NRK: variants seen among roughly 807,000 people sequenced by gnomAD.
NRK encodes nik-related protein kinase.
Under a neutral mutation model 125.2 loss-of-function variants are expected in NRK, and 67 were observed. The ratio of observed to expected loss-of-function variants is 0.54; its 90% CI spans 0.44 to 0.66. The LOEUF is 0.66. Ranked by LOEUF, NRK falls within the 30% of genes least tolerant of loss-of-function variation. The pLI, the probability that NRK is intolerant of heterozygous loss-of-function variation, is 0.00. For missense variants in NRK, 1,224 were observed against 1,192.9 expected (o/e 1.03, Z -0.38); for synonymous variants, 458 against 429.0 (o/e 1.07, Z -0.84).
chrX:105,861,935 C>T (rs755978785), intron 2 of NRK, among the ~76,000 whole-genome samples: 4 of 110,964 alleles, frequency 3.6e-5, no homozygotes, highest in Admixed American at 9.5e-5. Flanking sequence ...TGGTGGCACG[C>T]GCCTGTAATC....
chrX:105,934,208 C>T, intron 19 of NRK, 50 bp from the exon 20 acceptor site: 1 of 800,398 alleles, frequency 1.2e-6, no homozygotes, highest in Non-Finnish European at 1.8e-6. Flanking sequence ...ATATTTCTCC[C>T]ACTGTTAACC....
At position 105,896,434 on chromosome X, in the gene NRK, G is replaced by A. The variant is rs187924175; in HGVS notation, c.580+911G>A. On this transcript the variant is annotated intron_variant, in intron 7 of 28. Coordinates refer to ENST00000243300, the MANE Select transcript of NRK (RefSeq NM_198465.4). ...TTTTCACTGAACATTTGTGGAAGAA[G>A]CATGAGGTAGTAATTGTTTATTCTT... Among the ~76,000 whole-genome samples the A allele has an allele frequency of 1.9e-3, 218 of 112,223 alleles. 3 individuals carry two copies. Among genetic ancestry groups the A allele is most frequent in the African/African-American group, 6.8e-3 (210 of 30,971 alleles).
chrX:105,927,056 G>A (rs1313835242), intron 19 of NRK, among the ~76,000 whole-genome samples: 1 of 110,801 alleles, frequency 9.0e-6, no homozygotes, highest in African/African-American at 3.3e-5. Flanking sequence ...ATAGAATCTG[G>A]ATATTGCTTG....
At chrX:105,932,317 C>T (rs1222519995) in intron 19 of NRK, among the ~76,000 whole-genome samples, 1 of 111,479 alleles carries the variant, frequency 9.0e-6, no homozygotes, top group Admixed American at 9.6e-5. Context: ...GTTTGAGTCC[C>T]TGCTTTCAGG....
intron 19 of NRK, 43 bp downstream of exon 19, chrX:105,925,074 G>A (rs764365321): frequency 2.5e-5 from 24 of 969,280 alleles, no homozygotes; most frequent in Middle Eastern, 2.7e-4. Context: ...CTCTCATTGC[G>A]AATGTGTTTC....
rs931026722 is a variant in NRK at position 105,853,428 on chromosome X, C to T, written c.123+22309C>T. 8.0e-5 allele frequency among the ~76,000 whole-genome samples: 9 copies of T among 112,192 alleles called. No homozygotes were observed. The Admixed American group carries it at 8.5e-4, about 11-fold the overall frequency. On this transcript the variant is annotated intron_variant, in intron 2 of 28. Coordinates refer to ENST00000243300, the MANE Select transcript of NRK (RefSeq NM_198465.4). ...ATCCTCACTTAGAACCAGGCACTAA[C>T]ATGAGAAAATCACGTTTTCATTGGA...
intron 2 of NRK, among the ~76,000 whole-genome samples, chrX:105,853,341 G>T (rs2039495807): frequency 8.9e-6 from 1 of 111,957 alleles, no homozygotes; most frequent in African/African-American, 3.2e-5. Flanking sequence ...AGATTGAAGA[G>T]TCACTGCCTC....
intron 27 of NRK, 89 bp from the exon 28 acceptor site, chrX:105,952,945 T>C (rs532491714): frequency 2.9e-5 from 23 of 781,751 alleles, no homozygotes; most frequent in African/African-American, 1.9e-4. Flanking sequence ...ATGAGCCTCT[T>C]AATAAACAAA....
chrX:105,941,710 C>T (rs2040745219), intron 23 of NRK, among the ~76,000 whole-genome samples: 2 of 111,018 alleles, frequency 1.8e-5, no homozygotes, highest in Admixed American at 1.9e-4. Context: ...CAAGAGCAAG[C>T]ATATACCTAT....
chrX:105,887,991 A>G (rs2039968901), intron 4 of NRK, among the ~76,000 whole-genome samples: 1 of 112,425 alleles, frequency 8.9e-6, no homozygotes, highest in East Asian at 2.8e-4. Context: ...TACAAAAGAA[A>G]CAACAATATA....
chrX:105,886,079 C>T lies in NRK; in HGVS notation c.253-2215C>T, dbSNP rs772070435. ...GTCTTCTGCTAGAGCTGTCTTGAAG[C>T]TATATATTGTACCTCGGTGATCTCA... On this transcript the variant is annotated intron_variant, in intron 4 of 28. Coordinates refer to ENST00000243300, the MANE Select transcript of NRK (RefSeq NM_198465.4). Among the ~76,000 whole-genome samples, 13 of 110,031 alleles carry T rather than the reference C, an allele frequency of 1.2e-4. No individual in the cohort carries two copies. In the South Asian group the frequency reaches 2.7e-3, roughly 23 times the overall value.
At chrX:105,832,229 A>G (rs1056003809) in intron 2 of NRK, among the ~76,000 whole-genome samples, 5 of 111,267 alleles carry the variant, frequency 4.5e-5, no homozygotes, top group Non-Finnish European at 9.4e-5. Context: ...GGAAAGGGAA[A>G]GTGACCGTTA....
chrX:105,872,191 C>T (rs1214172117), intron 2 of NRK, among the ~76,000 whole-genome samples: 5 of 111,093 alleles, frequency 4.5e-5, no homozygotes. Flanking sequence ...TATCAAATAA[C>T]AGACTCTCTT....
At chrX:105,917,506 A>C in intron 15 of NRK, 72 bp from the exon 16 acceptor site, 1 of 576,898 alleles carries the variant, frequency 1.7e-6, no homozygotes, top group African/African-American at 2.3e-5. Flanking sequence ...TTTGTGTTGG[A>C]CTTTATGTTG....
In NRK at chrX:105,948,076, CT is replaced by C. The variant is rs939010303; in HGVS notation, c.4354-1489del. Among the ~76,000 whole-genome samples the C allele has an allele frequency of 2.1e-3, 230 of 107,224 alleles. 3 individuals carry two copies. Among genetic ancestry groups the C allele is most frequent in the African/African-American group, 7.2e-3 (214 of 29,784 alleles). The allele number at this position is 107,224 out of a possible 115,157, so 93.1% of individuals were successfully genotyped here. A position where few individuals can be genotyped will look rare whatever the true frequency, so the allele number is the denominator to read the frequency against. ...GTCTTCCGTAGCTTCCTGCATCTCT[CT>C]TTTTTTTTTAAATGTTGCGTCAGAT... On this transcript the variant is annotated intron_variant, in intron 26 of 28. Transcript: ENST00000243300.
intron 1 of NRK, among the ~76,000 whole-genome samples, chrX:105,825,053 T>C (rs1187329740): frequency 8.9e-6 from 1 of 112,125 alleles, no homozygotes; most frequent in East Asian, 2.8e-4. Context: ...AGCAGTAGCA[T>C]GCCCTTTAGA....
chrX:105,908,444 G>A, intron 12 of NRK, 141 bp downstream of exon 12: 3 of 444,544 alleles, frequency 6.7e-6, no homozygotes, highest in Non-Finnish European at 1.1e-5. Flanking sequence ...AAGAGATATT[G>A]AGTGAAAATG....
At chrX:105,889,212 A>G (rs1207741111) in intron 5 of NRK, among the ~76,000 whole-genome samples, 1 of 112,676 alleles carries the variant, frequency 8.9e-6, no homozygotes, top group South Asian at 3.6e-4. Context: ...TGCAAGTCCA[A>G]AATCCAGCAG....
At chrX:105,934,223 A>G (rs1280535806) in intron 19 of NRK, 35 bp from the exon 20 acceptor site, 2 of 999,103 alleles carry the variant, frequency 2.0e-6, no homozygotes, top group African/African-American at 1.9e-5. Flanking sequence ...TTAACCTACT[A>G]ATGAAATAAA....
Sources: allele counts gnomAD v4.1 joint callset (sites outside exome capture counted in the v4.1 genomes callset), GRCh38; gene constraint gnomAD v4.1.1; transcripts MANE v1.5; gene names NCBI Gene and HGNC (gene_info 2026-07-23, HGNC 2026-07-21).